GXYLT1: variants seen among roughly 807,000 people sequenced by gnomAD.
GXYLT1 encodes glucoside xylosyltransferase 1, also known as glycosyltransferase 8 domain containing 3.
In GXYLT1, 29 loss-of-function variants were observed where a neutral mutation model predicts 54.0. The observed-to-expected ratio is 0.54, with a 90% CI of 0.40 to 0.73. The LOEUF (loss-of-function observed/expected upper bound fraction) is 0.73. Among genes scored for constraint, GXYLT1 ranks in the 30% least tolerant of loss-of-function variants. The probability of loss-of-function intolerance (pLI) is 0.00; values close to 1 mark genes in which losing one functional copy is unlikely to be tolerated. For missense variants in GXYLT1, 490 were observed against 553.4 expected, an observed-to-expected ratio of 0.89 and a Z score of 1.15; for synonymous variants, 176 against 204.1, an observed-to-expected ratio of 0.86 and a Z score of 1.17.
At chr12:42,111,728 A>G (rs1159169822) in intron 3 of GXYLT1, among the ~76,000 whole-genome samples, 2 of 151,430 alleles carry the variant, frequency 1.3e-5, no homozygotes, top group Non-Finnish European at 2.9e-5. Flanking sequence ...GGACAAACAA[A>G]AAGACAGCAG....
chr12:42,122,406 A>C lies in GXYLT1; in HGVS notation c.315-3235T>G, dbSNP rs576464740. 9.2e-5 allele frequency among the ~76,000 whole-genome samples: 14 copies of C among 152,306 alleles called. No homozygotes were observed. The East Asian group carries it at 2.7e-3, about 29-fold the overall frequency. The stretch of plus-strand genomic sequence containing the variant: ...AGAGTTTGAGACCAGGCTGGCCAAC[A>C]TGGCGAAACCCCGTCTCTATTAAAA... On this transcript the variant is annotated intron_variant, in intron 2 of 7. Coordinates refer to ENST00000398675, the MANE Select transcript of GXYLT1 (RefSeq NM_173601.2).
intron 3 of GXYLT1, among the ~76,000 whole-genome samples, chr12:42,117,022 A>C (rs10785329): frequency 1.3e-5 from 2 of 149,346 alleles, no homozygotes; most frequent in African/African-American, 2.5e-5. Context: ...GCAAACTATC[A>C]CAAGGACAAA....
In GXYLT1 at chr12:42,084,932, A is replaced by C. The variant is rs73123632; in HGVS notation, c.*2854T>G. ...ATACTGTAGCCCAGAGATAGTTCTG[A>C]GGTCAGAATACATAGACTCAAATAA... is the stretch of plus-strand genomic sequence containing the variant. On this transcript the variant is annotated 3_prime_UTR_variant, in exon 8 of 8. Transcript: ENST00000398675. 1 of 88,264 alleles carries C rather than the reference A, an allele frequency of 1.1e-5. No individual in the cohort carries two copies. The highest frequency in any genetic ancestry group is 2.6e-5 in the Non-Finnish European group (1 of 38,512). 5.5% of individuals were successfully genotyped at this position (88,264 alleles called of 1,614,324 possible).
At position 42,087,877 on chromosome 12, in the gene GXYLT1, T is replaced by C; in HGVS notation, c.1232A>G (p.His411Arg). Residue 411 changes from histidine to arginine, a missense_variant, in exon 8 of 8, where the codon CAT (histidine) becomes CGT (arginine). His to Arg is a conservative substitution (Grantham distance 29). Coordinates refer to ENST00000398675, the MANE Select transcript of GXYLT1 (RefSeq NM_173601.2). ...PLELELQKTV[H>R]TYCGKIYKIF... ...TTTGTAAATTTTTCCACAGTATGTATGCACTGTTTTTTGTAGTTCCAGTTC... is the reference window on the plus strand; with the variant it reads ...TTTGTAAATTTTTCCACAGTATGTACGCACTGTTTTTTGTAGTTCCAGTTC... The C allele has an allele frequency of 6.3e-7, 1 of 1,594,342 alleles. No individual in the cohort carries two copies. The highest frequency in any genetic ancestry group is 2.2e-5 in the East Asian group (1 of 44,466).
chr12:42,131,963 A>AAGACGATAACT (rs1474768288), intron 1 of GXYLT1, among the ~76,000 whole-genome samples: 1 of 152,246 alleles, frequency 6.6e-6, no homozygotes, highest in Non-Finnish European at 1.5e-5. Flanking sequence ...TTGTTCTACG[A>AAGACGATAACT]AGACGATAAC....
chr12:42,116,892 T>C (rs2065498986), intron 3 of GXYLT1, among the ~76,000 whole-genome samples: 1 of 152,124 alleles, frequency 6.6e-6, no homozygotes, highest in African/African-American at 2.4e-5. Context: ...TGTCCCACAA[T>C]GATAGACTGG....
At chr12:42,116,151 A>G (rs1389890164) in intron 3 of GXYLT1, among the ~76,000 whole-genome samples, 1 of 152,032 alleles carries the variant, frequency 6.6e-6, no homozygotes, top group African/African-American at 2.4e-5. Flanking sequence ...AAAGACTTAC[A>G]TGTTAGACCT....
intron 7 of GXYLT1, among the ~76,000 whole-genome samples, chr12:42,094,370 AGAT>A: frequency 6.7e-6 from 1 of 150,134 alleles, no homozygotes; most frequent in South Asian, 2.1e-4. Flanking sequence ...AAAAAAAAAA[AGAT>A]GAGGCTGGGC....
In GXYLT1 at chr12:42,119,137, G is replaced by A. The variant is rs865952254; in HGVS notation, c.349C>T (p.His117Tyr). 6.8e-6 allele frequency: 11 copies of A among 1,613,930 alleles called. No homozygotes were observed. The highest frequency in any genetic ancestry group is 1.3e-5 in the African/African-American group (1 of 74,944). The change falls in exon 3 of 8, where the codon CAT (histidine) becomes TAT (tyrosine). Residue 117 changes from histidine to tyrosine, a missense_variant. Physicochemically the swap from His to Tyr is moderately conservative, Grantham distance 83. Around this residue, in one of 2 missense-constraint regions of GXYLT1, gnomAD observed 148 missense variants for 210.7 expected, o/e 0.70. Transcript: ENST00000398675. ...SLKIQPVEKM[H>Y]LAVVACGERL... ...TCACCACAGGCAACTACAGCTAGAT[G>A]CATTTTCTCAACAGGCTGTATTTTC...
At chr12:42,136,336 C>A (rs2065619221) in intron 1 of GXYLT1, among the ~76,000 whole-genome samples, 1 of 152,176 alleles carries the variant, frequency 6.6e-6, no homozygotes, top group Admixed American at 6.5e-5. Flanking sequence ...TTGCTTAAAA[C>A]TGTTGAAAGC....
At chr12:42,111,986 T>C (rs1380960202) in intron 3 of GXYLT1, among the ~76,000 whole-genome samples, 1 of 152,202 alleles carries the variant, frequency 6.6e-6, no homozygotes, top group African/African-American at 2.4e-5. Context: ...CACCAATATC[T>C]GCTGTTCTGC....
chr12:42,133,780 C>T (rs140934681), intron 1 of GXYLT1, among the ~76,000 whole-genome samples: 27 of 152,308 alleles, frequency 1.8e-4, no homozygotes, highest in African/African-American at 6.0e-4. Flanking sequence ...ATGGATCATA[C>T]TGTCTAGTGG....
rs1319454468 is a variant in GXYLT1, at chr12:42,109,576, A to G, written c.602T>C (p.Leu201Ser). ...KLFKPCASQRLFLPLILKEVD... is the reference protein window; with the variant it reads ...KLFKPCASQRSFLPLILKEVD... ...GGGGAAAAAACTTACCGGCAAGAAC[A>G]ATCTCTGCGAAGCACATGGTTTAAA... The change falls in exon 4 of 8, where the codon TTG becomes TCG. Residue 201 changes from leucine (L) to serine (S), a missense_variant. By Grantham distance (145) the Leu-to-Ser change is moderately radical. This residue lies in a region of GXYLT1 where 342 missense variants were observed against 342.6 expected (regional missense o/e 1.00). Transcript: ENST00000398675. The G allele has an allele frequency of 6.5e-7, 1 of 1,536,102 alleles. No individual in the cohort carries two copies. The highest frequency in any genetic ancestry group is 8.7e-7 in the Non-Finnish European group (1 of 1,146,790).
chr12:42,142,573 C>G (rs2065657929), intron 1 of GXYLT1, among the ~76,000 whole-genome samples: 1 of 151,924 alleles, frequency 6.6e-6, no homozygotes, highest in South Asian at 2.1e-4. Flanking sequence ...CTCCTGGCCT[C>G]CAGCAATCAA....
At chr12:42,097,879 T>A (rs2065365448) in intron 6 of GXYLT1, 31 bp downstream of exon 6, 1 of 1,495,386 alleles carries the variant, frequency 6.7e-7, no homozygotes, top group Non-Finnish European at 9.2e-7. Flanking sequence ...GTGATTTTTT[T>A]AATGCAAATA....
rs1053662673 is a variant in GXYLT1 at position 42,112,973 on chromosome 12, C to T, written c.487-3282G>A. Among the ~76,000 whole-genome samples, 11 of 151,306 alleles carry T rather than the reference C, an allele frequency of 7.3e-5. No homozygotes were observed. In the East Asian group the frequency reaches 7.7e-4, roughly 11 times the overall value. On this transcript the variant is annotated intron_variant, in intron 3 of 7. Coordinates refer to ENST00000398675, the MANE Select transcript of GXYLT1 (RefSeq NM_173601.2). ...CAAGCCAGAAGAGAGTGGGGACCAA[C>T]ATTCAACATTCTTAAAGAAAAGTAT... is the stretch of plus-strand genomic sequence containing the variant.
intron 1 of GXYLT1, among the ~76,000 whole-genome samples, chr12:42,140,200 C>G (rs200329445): frequency 0.065 from 2,441 of 37,840 alleles, 1 homozygote; most frequent in African/African-American, 0.065. Context: ...AAAAAAAAGG[C>G]GGGGGGGGGG....
chr12:42,094,414 T>A (rs1280809167), intron 7 of GXYLT1, among the ~76,000 whole-genome samples: 1 of 145,230 alleles, frequency 6.9e-6, no homozygotes, highest in African/African-American at 2.6e-5. Context: ...TCTCAGCCAC[T>A]ATGGAGGCTG....
At chr12:42,099,040 G>C (rs111663981) in intron 5 of GXYLT1, among the ~76,000 whole-genome samples, 2 of 151,968 alleles carry the variant, frequency 1.3e-5, no homozygotes, top group Admixed American at 1.3e-4. Context: ...CACCATCCCA[G>C]AGAGAGGCAA....
Sources: gnomAD v4.1 joint callset for allele counts (sites outside exome capture counted in the v4.1 genomes callset) on GRCh38, gnomAD v4.1.1 for gene constraint, gnomAD v4.1.1 regional missense constraint, MANE v1.5 for transcripts, NCBI Gene and HGNC (gene_info 2026-07-23, HGNC 2026-07-21) for gene names.